The following RBMX2 variants were observed in gnomAD, a reference collection of about 807,000 sequenced individuals.
RBMX2 encodes RNA binding motif protein X-linked 2.
For missense variants in RBMX2, 191 were observed against 256.0 expected, an observed-to-expected ratio of 0.75 and a Z score of 1.73; for synonymous variants, 77 against 94.3, an observed-to-expected ratio of 0.82 and a Z score of 1.07.
chrX:130,402,225 A>AACCCACCC, intron 1 of RBMX2, 30 bp from the exon 2 acceptor site: 2 of 984,792 alleles, frequency 2.0e-6, no homozygotes, highest in Non-Finnish European at 1.4e-6. Flanking sequence ...TTTTCTGCCT[A>AACCCACCC]CCCTCCCCAC....
intron 1 of RBMX2, 30 bp from the exon 2 acceptor site, chrX:130,402,225 A>ACCCCAACCC: frequency 1.0e-6 from 1 of 984,795 alleles, no homozygotes; most frequent in Non-Finnish European, 1.4e-6. Context: ...TTTTCTGCCT[A>ACCCCAACCC]CCCTCCCCAC....
intron 5 of RBMX2, 84 bp downstream of exon 5, chrX:130,411,609 T>A: frequency 1.1e-6 from 1 of 915,968 alleles, no homozygotes; most frequent in Non-Finnish European, 1.5e-6. Context: ...GATAATCAAC[T>A]CAAGTGTGAA....
At chrX:130,402,224 T>TGCCC in intron 1 of RBMX2, 31 bp from the exon 2 acceptor site, 3 of 1,174,323 alleles carry the variant, frequency 2.6e-6, no homozygotes, top group Non-Finnish European at 3.4e-6. Flanking sequence ...CTTTTCTGCC[T>TGCCC]ACCCTCCCCA....
chrX:130,412,281 AG>A (rs755093412), intron 5 of RBMX2, 79 bp from the exon 6 acceptor site: 36 of 1,020,425 alleles, frequency 3.5e-5, no homozygotes, highest in Non-Finnish European at 4.7e-5. Context: ...CAGAAAAGAA[AG>A]GTGCTTTTTT....
intron 3 of RBMX2, chrX:130,404,177 T>TTTTG (rs2034471995): frequency 3.8e-6 from 1 of 264,345 alleles, no homozygotes; most frequent in Admixed American, 5.4e-5. Flanking sequence ...GGGTAACCCA[T>TTTTG]GGTCACAGGG....
chrX:130,402,164 C>T, intron 1 of RBMX2, 91 bp from the exon 2 acceptor site: 2 of 1,163,605 alleles, frequency 1.7e-6, no homozygotes, highest in Non-Finnish European at 2.3e-6. Flanking sequence ...ACAGCTCGTC[C>T]CCTAGTTTTG....
chrX:130,406,922 A>G (rs1197145417), intron 3 of RBMX2, among the ~76,000 whole-genome samples: 1 of 111,238 alleles, frequency 9.0e-6, no homozygotes, highest in Non-Finnish European at 1.9e-5. Context: ...CAGATATGGA[A>G]TTTTCCACTT....
chrX:130,402,405 A>G, intron 2 of RBMX2, 35 bp downstream of exon 2: 1 of 1,191,123 alleles, frequency 8.4e-7, no homozygotes, highest in Non-Finnish European at 1.1e-6. Context: ...AGTGCTCTCC[A>G]GATTCTCCTG....
At chrX:130,402,229 T>TG in intron 1 of RBMX2, 26 bp from the exon 2 acceptor site, 1 of 723,004 alleles carries the variant, frequency 1.4e-6, no homozygotes, top group Non-Finnish European at 1.9e-6. Flanking sequence ...CTGCCTACCC[T>TG]CCCCACCCCC....
At chrX:130,403,915 T>A (rs1002175454) in intron 3 of RBMX2, 62 bp downstream of exon 3, 12 of 1,113,164 alleles carry the variant, frequency 1.1e-5, no homozygotes, top group Non-Finnish European at 1.5e-5. Flanking sequence ...TGTAATACAT[T>A]TTGTGGCATC....
rs1399754468 is a variant in RBMX2, at chrX:130,402,326, T to G, written c.77T>G (p.Val26Gly). 2.5e-6 allele frequency: 3 copies of G among 1,192,781 alleles called. No individual in the cohort carries two copies. The highest frequency in any genetic ancestry group is 3.4e-6 in the Non-Finnish European group (3 of 889,848). The change falls in exon 2 of 6, where the codon GTG becomes GGG. Residue 26 changes from valine to glycine, a missense_variant. Physicochemically the swap from Val to Gly is moderately radical, Grantham distance 109. Coordinates refer to ENST00000305536, the MANE Select transcript of RBMX2 (RefSeq NM_016024.4). ...GTCCAGCTTGGGGTGGCCGATAAGGTGTCCTGGCACTCCGAGTACAAGGAC... is the reference window on the plus strand; with the variant it reads ...GTCCAGCTTGGGGTGGCCGATAAGGGGTCCTGGCACTCCGAGTACAAGGAC... The part of the protein sequence containing the change: ...REVQLGVADK[V>G]SWHSEYKDSA...
chrX:130,402,225 A>ACCCAACCCCCCCC, intron 1 of RBMX2, 30 bp from the exon 2 acceptor site: 40 of 984,696 alleles, frequency 4.1e-5, no homozygotes, highest in Non-Finnish European at 5.2e-5. Context: ...TTTTCTGCCT[A>ACCCAACCCCCCCC]CCCTCCCCAC....
intron 4 of RBMX2, among the ~76,000 whole-genome samples, chrX:130,410,985 A>T (rs1330224589): frequency 1.8e-5 from 2 of 111,886 alleles, no homozygotes; most frequent in Admixed American, 9.5e-5. Context: ...ATCAAGGGTG[A>T]TTCATTGTGC....
intron 1 of RBMX2, 30 bp from the exon 2 acceptor site, chrX:130,402,225 A>AGCCAGCC: frequency 1.0e-6 from 1 of 984,789 alleles, no homozygotes; most frequent in Non-Finnish European, 1.4e-6. Flanking sequence ...TTTTCTGCCT[A>AGCCAGCC]CCCTCCCCAC....
chrX:130,412,425 G>A lies in RBMX2; in HGVS notation c.546G>A (p.Glu182=). 8.3e-7 allele frequency: 1 copy of A among 1,208,700 alleles called. No homozygotes were observed. Among genetic ancestry groups the A allele is most frequent in the Admixed American group, 2.2e-5 (1 of 45,623 alleles). ...KEKADREVQA[E]QPSSSSPRRK... is the part of the protein sequence containing the mutation. ...AAGCCGACCGGGAGGTACAGGCAGA[G>A]CAACCATCCTCTTCGTCACCCAGAC... Residue 182 remains glutamate, a synonymous_variant, in exon 6 of 6, where the codon GAG becomes GAA. Transcript: ENST00000305536.
intron 4 of RBMX2, among the ~76,000 whole-genome samples, chrX:130,410,768 T>G (rs2034508624): frequency 8.9e-6 from 1 of 112,215 alleles, no homozygotes; most frequent in South Asian, 3.7e-4. Flanking sequence ...ATTGTTCCAG[T>G]ATGGTGGGGC....
chrX:130,409,482 G>T, intron 4 of RBMX2, 96 bp downstream of exon 4: 1 of 920,316 alleles, frequency 1.1e-6, no homozygotes, highest in South Asian at 2.9e-5. Context: ...GGCAGCACTT[G>T]TGAGCTTGGT....
At chrX:130,408,490 A>G (rs2034496375) in intron 3 of RBMX2, among the ~76,000 whole-genome samples, 1 of 109,838 alleles carries the variant, frequency 9.1e-6, no homozygotes, top group South Asian at 3.8e-4. Context: ...TCTGCCATTT[A>G]TTTTTTTTTA....
Position 130,412,552 on chromosome X carries a change from C to T in RBMX2, c.673C>T (p.Pro225Ser), listed in dbSNP as rs1303668391. 1 of 1,205,492 alleles carries T rather than the reference C, an allele frequency of 8.3e-7. No individual in the cohort carries two copies. Among genetic ancestry groups the T allele is most frequent in the African/African-American group, 1.8e-5 (1 of 55,757 alleles). ...AGAGCCCAGGGAGGGGCAGAAGCTCCCCAAATCCAGGACGGCCTACTCTGG... is the reference window on the plus strand; with the variant it reads ...AGAGCCCAGGGAGGGGCAGAAGCTCTCCAAATCCAGGACGGCCTACTCTGG... Reference protein sequence around the residue: ...KSEPREGQKLPKSRTAYSGGA... With the variant: ...KSEPREGQKLSKSRTAYSGGA... Residue 225 changes from proline (P) to serine (S), a missense_variant, in exon 6 of 6, where the codon CCC (proline) becomes TCC (serine). Pro to Ser is a moderately conservative substitution (Grantham distance 74). Transcript: ENST00000305536.
Sources: gnomAD v4.1 joint callset for allele counts (sites outside exome capture counted in the v4.1 genomes callset) on GRCh38, gnomAD v4.1.1 for gene constraint, MANE v1.5 for transcripts, NCBI Gene and HGNC (gene_info 2026-07-23, HGNC 2026-07-21) for gene names.